Variants in THSD7A observed in about 807,000 individuals in gnomAD.
THSD7A encodes the protein thrombospondin type-1 domain-containing protein 7A.
A neutral mutation model predicts 231.3 loss-of-function variants in THSD7A; 96 were observed. The observed-to-expected ratio is 0.41, with a 90% CI of 0.35 to 0.49. The LOEUF (loss-of-function observed/expected upper bound fraction) is 0.49. Ranked by LOEUF, THSD7A falls within the 20% of genes least tolerant of loss-of-function variation. The pLI, the probability that THSD7A is intolerant of heterozygous loss-of-function variation, is 0.05. For missense variants in THSD7A, 2,290 were observed against 2,070.2 expected (o/e 1.11, Z -2.06); for synonymous variants, 940 against 743.3 (o/e 1.26, Z -4.30).
chr7:11,719,221 C>A (rs192608892), intron 1 of THSD7A, among the ~76,000 whole-genome samples: 149 of 151,682 alleles, frequency 9.8e-4, no homozygotes, highest in Admixed American at 2.4e-3. Context: ...TCTATCTTCC[C>A]ACCTTAACTA....
At chr7:11,679,835 G>GA (rs1373277980) in intron 1 of THSD7A, among the ~76,000 whole-genome samples, 9 of 152,000 alleles carry the variant, frequency 5.9e-5, no homozygotes, top group Non-Finnish European at 1.3e-4. Flanking sequence ...CATAGAATTG[G>GA]AAAAAACTAC....
chr7:11,378,014 A>G (rs1051004391), intron 26 of THSD7A: 1 of 152,138 alleles, frequency 6.6e-6, no homozygotes, highest in African/African-American at 2.4e-5. Context: ...GCTTTGCAAA[A>G]TAAATCATAC....
chr7:11,545,845 T>C (rs1224803211), intron 4 of THSD7A, among the ~76,000 whole-genome samples: 1 of 152,174 alleles, frequency 6.6e-6, no homozygotes, highest in Non-Finnish European at 1.5e-5. Context: ...AAAGATGTCC[T>C]TCTCCCAAGG....
intron 23 of THSD7A, among the ~76,000 whole-genome samples, chr7:11,394,858 AAC>A (rs1458771459): frequency 3.7e-4 from 56 of 151,694 alleles, no homozygotes; most frequent in African/African-American, 1.3e-3. Context: ...ACCCAGCACA[AAC>A]ACATACCAAA....
At chr7:11,504,887 C>A (rs1392618060) in intron 6 of THSD7A, among the ~76,000 whole-genome samples, 2 of 151,310 alleles carry the variant, frequency 1.3e-5, no homozygotes, top group African/African-American at 2.4e-5. Context: ...ATTAAACTGG[C>A]AAAATTAAAA....
chr7:11,692,525 T>C (rs1316057688), intron 1 of THSD7A, among the ~76,000 whole-genome samples: 1 of 151,548 alleles, frequency 6.6e-6, no homozygotes, highest in Non-Finnish European at 1.5e-5. Context: ...AGATGCGTAA[T>C]GTACACAACA....
chr7:11,607,297 G>A (rs1473795154), intron 2 of THSD7A, among the ~76,000 whole-genome samples: 1 of 152,034 alleles, frequency 6.6e-6, no homozygotes, highest in East Asian at 1.9e-4. Context: ...CTTATAGCAA[G>A]ACAGAGGACG....
intron 1 of THSD7A, among the ~76,000 whole-genome samples, chr7:11,728,608 A>G (rs1781623438): frequency 6.6e-6 from 1 of 152,062 alleles, no homozygotes; most frequent in East Asian, 1.9e-4. Context: ...TTGATAAAAA[A>G]TTAAATTAGA....
At position 11,581,701 on chromosome 7, in the gene THSD7A, A is replaced by T. The variant is rs564501432; in HGVS notation, c.1453+8759T>A. On this transcript the variant is annotated intron_variant, in intron 4 of 27. Coordinates refer to ENST00000423059, the MANE Select transcript of THSD7A (RefSeq NM_015204.3). ...AAAAATATTGGAGAAAATTCTGGGCATTTTTTTTTATTATCTAAGAAAATG... is the reference window on the plus strand; with the variant it reads ...AAAAATATTGGAGAAAATTCTGGGCTTTTTTTTTTATTATCTAAGAAAATG... Among the ~76,000 whole-genome samples the T allele has an allele frequency of 4.6e-5, 7 of 151,258 alleles. No homozygotes were observed. The South Asian group carries it at 1.5e-3, about 32-fold the overall frequency.
At chr7:11,633,897 T>C (rs141791153) in intron 2 of THSD7A, among the ~76,000 whole-genome samples, 2,105 of 152,268 alleles carry the variant, frequency 0.014, 52 homozygotes, top group African/African-American at 0.048. Flanking sequence ...TTATTTTTAT[T>C]CTCCTACATG....
At chr7:11,779,515 T>C (rs1282182162) in intron 1 of THSD7A, among the ~76,000 whole-genome samples, 1 of 152,210 alleles carries the variant, frequency 6.6e-6, no homozygotes, top group Non-Finnish European at 1.5e-5. Context: ...CACCCATATG[T>C]TTTGCTGTCT....
chr7:11,628,550 C>T (rs988930187), intron 2 of THSD7A, among the ~76,000 whole-genome samples: 4 of 146,036 alleles, frequency 2.7e-5, no homozygotes, highest in African/African-American at 8.4e-5. Context: ...TCTGCACGCA[C>T]TTTCTCTCTC....
rs545431846 is a variant in THSD7A at position 11,480,728 on chromosome 7, G to C, written c.2017+1060C>G. Among the ~76,000 whole-genome samples, 18 of 152,124 alleles carry C rather than the reference G, an allele frequency of 1.2e-4. No individual in the cohort carries two copies. The East Asian group carries it at 2.3e-3, about 20-fold the overall frequency. ...ATGTGCAAAGGCCAAGGTAATTATA[G>C]GTGTGCACAGTTGTTACACACACAG... On this transcript the variant is annotated intron_variant, in intron 7 of 27. Transcript: ENST00000423059.
chr7:11,746,441 G>T (rs1782308062), intron 1 of THSD7A, among the ~76,000 whole-genome samples: 1 of 151,700 alleles, frequency 6.6e-6, no homozygotes, highest in Non-Finnish European at 1.5e-5. Context: ...GCATTTTGTT[G>T]TCATATTTCT....
chr7:11,428,864 A>C (rs544078541), intron 14 of THSD7A, 83 bp downstream of exon 14: 2 of 1,482,154 alleles, frequency 1.3e-6, no homozygotes, highest in Non-Finnish European at 9.1e-7. Flanking sequence ...AATAGCTATT[A>C]TTTCCTCTTC....
chr7:11,675,550 C>A (rs4570029), intron 1 of THSD7A, among the ~76,000 whole-genome samples: 1 of 152,146 alleles, frequency 6.6e-6, no homozygotes, highest in East Asian at 1.9e-4. Flanking sequence ...CAGTCTGAAG[C>A]TGACCTGGGA....
intron 23 of THSD7A, among the ~76,000 whole-genome samples, chr7:11,400,882 C>T (rs899072524): frequency 9.2e-5 from 14 of 152,112 alleles, no homozygotes; most frequent in Non-Finnish European, 1.6e-4. Context: ...TGTTGAGCCC[C>T]ACACCCTCTA....
intron 4 of THSD7A, among the ~76,000 whole-genome samples, chr7:11,551,585 C>T (rs143786006): frequency 4.7e-4 from 71 of 152,194 alleles, no homozygotes; most frequent in African/African-American, 1.4e-3. Flanking sequence ...GGCCAACAAA[C>T]ATATGAAAAA....
intron 6 of THSD7A, among the ~76,000 whole-genome samples, chr7:11,534,511 G>A (rs1186432247): frequency 6.6e-6 from 1 of 152,178 alleles, no homozygotes; most frequent in Non-Finnish European, 1.5e-5. Context: ...ATATGTGAGG[G>A]AGGACACTTG....
Sources: allele counts gnomAD v4.1 joint callset (sites outside exome capture counted in the v4.1 genomes callset), GRCh38; gene constraint gnomAD v4.1.1; transcripts MANE v1.5; gene names NCBI Gene and HGNC (gene_info 2026-07-23, HGNC 2026-07-21).